IL4I1: variants seen among roughly 807,000 people sequenced by gnomAD.
IL4I1 encodes the protein L-amino-acid oxidase.
IL4I1 carries 24 observed loss-of-function variants against 29.7 expected under a neutral mutation model. That is an observed-to-expected ratio of 0.81 (90% CI 0.59 to 1.14). The LOEUF (loss-of-function observed/expected upper bound fraction) is 1.14, where lower values mean the gene tolerates loss of function less well. IL4I1 is among the 50% of genes most tolerant of loss of function. IL4I1 has a pLI of 0.00. For missense variants in IL4I1, 686 were observed against 785.6 expected (o/e 0.87, Z 1.52); for synonymous variants, 371 against 352.5 (o/e 1.05, Z -0.59).
chr19:49,904,974 G>T (rs1206348863), intron 2 of IL4I1, among the ~76,000 whole-genome samples: 2 of 151,830 alleles, frequency 1.3e-5, no homozygotes, highest in East Asian at 3.9e-4. Context: ...CCTCCCAAAG[G>T]GCTGGGATTA....
rs754774251 is a variant in IL4I1, at chr19:49,896,006, A to G, written c.61T>C (p.Ser21Pro). ...LVPILLSLVA[S>P]QDWKAERSQD... is the part of the protein sequence containing the mutation. ...CTGCGTTCAGCCTTCCAGTCCTGGG[A>G]GGCCACCAGGCTGAGGAGGATGGGG... The change falls in exon 3 of 8, where the codon TCC (serine) becomes CCC (proline). Residue 21 changes from serine (S) to proline (P), a missense_variant. Physicochemically the swap from Ser to Pro is moderately conservative, Grantham distance 74. Coordinates refer to ENST00000391826, the MANE Select transcript of IL4I1 (RefSeq NM_152899.2). 9.9e-6 allele frequency: 16 copies of G among 1,614,002 alleles called. No individual in the cohort carries two copies. Among genetic ancestry groups the G allele is most frequent in the Admixed American group, 1.7e-5 (1 of 59,992 alleles).
chr19:49,908,943 C>CGGT, intron 2 of IL4I1: 1 of 1,609,116 alleles, frequency 6.2e-7, no homozygotes, highest in Non-Finnish European at 8.5e-7. Flanking sequence ...AAGGCAAAGC[C>CGGT]GGTGGTGCTG....
intron 5 of IL4I1, 59 bp downstream of exon 5, chr19:49,894,209 G>T: frequency 6.6e-7 from 1 of 1,524,832 alleles, no homozygotes; most frequent in Non-Finnish European, 8.9e-7. Context: ...CCGGGCCGGG[G>T]CGAGCTTAGG....
rs896482678 is a variant in IL4I1 at position 49,894,981 on chromosome 19, G to C, written c.365+87C>G. On this transcript the variant is annotated intron_variant, in intron 4 of 7. Coordinates refer to ENST00000391826, the MANE Select transcript of IL4I1 (RefSeq NM_152899.2). ...TTGGAGGCTGGGTTTGGGAGTCAGA[G>C]TGGAAGTTCGGGCCCACTCTGGTGT... 1.2e-5 allele frequency: 12 copies of C among 981,180 alleles called. No homozygotes were observed. The African/African-American group carries it at 1.4e-4, about 12-fold the overall frequency. 60.8% of individuals were successfully genotyped at this position (981,180 alleles called of 1,614,324 possible). A position where few individuals can be genotyped will look rare whatever the true frequency, so the allele number is the denominator to read the frequency against.
chr19:49,894,108 T>C (rs1281963479), intron 5 of IL4I1, among the ~76,000 whole-genome samples, 160 bp downstream of exon 5: 2 of 151,846 alleles, frequency 1.3e-5, no homozygotes, highest in Non-Finnish European at 1.5e-5. Flanking sequence ...TTAGACCTCA[T>C]GGCACACATC....
Position 49,890,619 on chromosome 19 carries a change from G to T in IL4I1, c.774-19C>A. 6.7e-7 allele frequency: 1 copy of T among 1,488,440 alleles called. No homozygotes were observed. Among genetic ancestry groups the T allele is most frequent in the Non-Finnish European group, 8.9e-7 (1 of 1,120,518 alleles). 92.2% of individuals were successfully genotyped at this position (1,488,440 alleles called of 1,614,324 possible). A position where few individuals can be genotyped will look rare whatever the true frequency, so the allele number is the denominator to read the frequency against. On this transcript the variant is annotated intron_variant, in intron 7 of 7. Transcript: ENST00000391826. ...GCTGTACCTGCAGGCGGGGCGGGGC[G>T]GGGTGGGGGCGTGACCTGGGCTCTG...
chr19:49,904,276 G>C (rs187693158), exon 3 of IL4I1: 1 of 152,184 alleles, frequency 6.6e-6, no homozygotes. Context: ...TTAAGGAAAG[G>C]CCATTTGTCA....
chr19:49,899,363 A>G (rs1290899174), upstream of IL4I1, among the ~76,000 whole-genome samples: 1 of 151,084 alleles, frequency 6.6e-6, no homozygotes, highest in Admixed American at 6.6e-5. Flanking sequence ...TGTGCAGCTC[A>G]CCTTGGGGGA....
upstream of IL4I1, among the ~76,000 whole-genome samples, chr19:49,898,659 G>A (rs1210397816): frequency 1.3e-5 from 2 of 152,166 alleles, no homozygotes; most frequent in Non-Finnish European, 2.9e-5. Context: ...CTTGAGGTCA[G>A]GAGTTCAAGA....
chr19:49,903,820 T>A (rs959879163), intron 3 of IL4I1, among the ~76,000 whole-genome samples: 1 of 149,740 alleles, frequency 6.7e-6, no homozygotes, highest in Non-Finnish European at 1.5e-5. Context: ...TATACTGTTA[T>A]ATGTGCTGGG....
chr19:49,926,604 A>G (rs1290745), intron 2 of IL4I1, among the ~76,000 whole-genome samples: 36,062 of 152,148 alleles, frequency 0.24, 4,433 homozygotes, highest in African/African-American at 0.28. Context: ...AAAAGATTCT[A>G]CCGGCGGGGC....
chr19:49,890,163 G>T lies in IL4I1; in HGVS notation c.1211C>A (p.Ala404Glu). Residue 404 changes from alanine to glutamate, a missense_variant, in exon 8 of 8, where the codon GCG becomes GAG. Coordinates refer to ENST00000391826, the MANE Select transcript of IL4I1 (RefSeq NM_152899.2). The part of the protein sequence containing the change: ...LLASYTWSDA[A>E]AAFAGLSREE... ...CCGGCTCAAGCCGGCGAACGCTGCC[G>T]CCGCGTCCGACCACGTGTACGAGGC... 1 of 1,541,804 alleles carries T rather than the reference G, an allele frequency of 6.5e-7. No individual in the cohort carries two copies. The highest frequency in any genetic ancestry group is 8.7e-7 in the Non-Finnish European group (1 of 1,142,988).
intron 1 of IL4I1, among the ~76,000 whole-genome samples, chr19:49,896,523 C>T (rs935718095): frequency 6.6e-6 from 1 of 152,100 alleles, no homozygotes; most frequent in Non-Finnish European, 1.5e-5. Flanking sequence ...CAACCTCCGC[C>T]TCCCAGGTTC....
intron 3 of IL4I1, among the ~76,000 whole-genome samples, chr19:49,903,830 G>GGTT (rs2075291393): frequency 1.5e-5 from 1 of 66,528 alleles, no homozygotes; most frequent in Non-Finnish European, 2.7e-5. Context: ...TATGTGCTGG[G>GGTT]TTTTTTTTTT....
chr19:49,895,714 C>A (rs769611440), intron 3 of IL4I1, 101 bp downstream of exon 3: 3 of 930,964 alleles, frequency 3.2e-6, no homozygotes, highest in Non-Finnish European at 4.9e-6. Flanking sequence ...CACATCCCCA[C>A]CTCCACCCCC....
chr19:49,908,696 T>C, intron 2 of IL4I1: 1 of 1,612,324 alleles, frequency 6.2e-7, no homozygotes, highest in South Asian at 1.1e-5. Flanking sequence ...GCTGGTGATC[T>C]TTTCTCCATT....
intron 2 of IL4I1, among the ~76,000 whole-genome samples, chr19:49,916,421 T>C (rs1474780287): frequency 1.3e-5 from 2 of 149,754 alleles, no homozygotes; most frequent in Non-Finnish European, 3.0e-5. Context: ...TGGCGGGATC[T>C]TGGCTCACTG....
chr19:49,920,339 C>G (rs1036304136), intron 2 of IL4I1, among the ~76,000 whole-genome samples: 1 of 152,160 alleles, frequency 6.6e-6, no homozygotes, highest in Non-Finnish European at 1.5e-5. Context: ...CCTCGGTCTC[C>G]CAAGGTGCTG....
intron 2 of IL4I1, among the ~76,000 whole-genome samples, chr19:49,906,611 C>T (rs1003113501): frequency 6.6e-6 from 1 of 152,252 alleles, no homozygotes; most frequent in Non-Finnish European, 1.5e-5. Flanking sequence ...ACTAGCACCA[C>T]CCCTTCCTGG....
Sources: gnomAD v4.1 joint callset for allele counts (sites outside exome capture counted in the v4.1 genomes callset) on GRCh38, gnomAD v4.1.1 for gene constraint, MANE v1.5 for transcripts, NCBI Gene and HGNC (gene_info 2026-07-23, HGNC 2026-07-21) for gene names.